The following SYT7 variants were observed in gnomAD, a reference collection of about 807,000 sequenced individuals.
SYT7 encodes the protein synaptotagmin 7, also known as synaptotagmin-7.
In SYT7, 29 loss-of-function variants were observed where a neutral mutation model predicts 75.1. That is an observed-to-expected ratio of 0.39 (90% CI 0.29 to 0.53). SYT7 has a LOEUF of 0.53. Ranked by LOEUF, SYT7 falls within the 20% of genes least tolerant of loss-of-function variation. The pLI is 0.77. For synonymous variants in SYT7, 376 were observed against 401.7 expected, an observed-to-expected ratio of 0.94 and a Z score of 0.76; for missense variants, 693 against 953.2, an observed-to-expected ratio of 0.73 and a Z score of 3.59.
upstream of SYT7, among the ~76,000 whole-genome samples, chr11:61,582,303 G>A (rs186278160): frequency 3.3e-5 from 5 of 152,262 alleles, no homozygotes; most frequent in African/African-American, 9.6e-5. Flanking sequence ...GGTGAGCCAG[G>A]CTTCCTAGAG....
chr11:61,520,182 G>A (rs369196993), intron 12 of SYT7, among the ~76,000 whole-genome samples: 98 of 150,924 alleles, frequency 6.5e-4, no homozygotes, highest in African/African-American at 2.4e-3. Context: ...GAGCCACCAC[G>A]CCCAGCCAAT....
In SYT7 at chr11:61,546,248, G is replaced by C. The variant is rs1236690343; in HGVS notation, c.355C>G (p.Leu119Val). 27 of 1,440,172 alleles carry C rather than the reference G, an allele frequency of 1.9e-5. No homozygotes were observed. The East Asian group carries it at 7.3e-4, about 39-fold the overall frequency. 89.2% of individuals were successfully genotyped at this position (1,440,172 alleles called of 1,614,324 possible). ...GDPRLSLNGT[L>V]LSGAKVAAAA... is the part of the protein sequence containing the mutation. ...GCGGCCACTTTGGCGCCCGACAGGAGGGTGCCACTGGAGGCATGCACGAGG... is the reference window on the plus strand; with the variant it reads ...GCGGCCACTTTGGCGCCCGACAGGACGGTGCCACTGGAGGCATGCACGAGG... The change falls in exon 5 of 13, where the codon CTC becomes GTC. Residue 119 changes from leucine (L) to valine (V), a missense_variant. By Grantham distance (32) the Leu-to-Val change is conservative. Transcript: ENST00000539008. The surrounding 1 kb of genome is among the most constrained non-coding windows in gnomAD (Gnocchi z 7.6).
At chr11:61,568,072 C>T (rs1766590057) in intron 1 of SYT7, among the ~76,000 whole-genome samples, 1 of 152,190 alleles carries the variant, frequency 6.6e-6, no homozygotes, top group Non-Finnish European at 1.5e-5. Flanking sequence ...AAAGGCCTCC[C>T]CCAGGGCAGA....
In SYT7 at chr11:61,551,241, G is replaced by A. The variant is rs923812761; in HGVS notation, c.215+143C>T. 5 of 770,492 alleles carry A rather than the reference G, an allele frequency of 6.5e-6. No homozygotes were observed. In the African/African-American group the frequency reaches 7.0e-5, roughly 11 times the overall value. 47.7% of individuals were successfully genotyped at this position (770,492 alleles called of 1,614,324 possible). On this transcript the variant is annotated intron_variant, in intron 3 of 12. Transcript: ENST00000539008. This position sits in a 1 kb window ranked among gnomAD's most constrained non-coding sequence, Gnocchi z 5.3. The stretch of plus-strand genomic sequence containing the variant: ...GGGGCCCCTGAGTTTTTGGGGGTGT[G>A]TGGAGGGTGTAGAGAGCATGGCATC...
In SYT7 at chr11:61,580,859, C is replaced by T; in HGVS notation, c.-39G>A. 8.4e-7 allele frequency: 1 copy of T among 1,185,716 alleles called. No homozygotes were observed. The allele number at this position is 1,185,716 out of a possible 1,614,324, so 73.4% of individuals were successfully genotyped here. A position where few individuals can be genotyped will look rare whatever the true frequency, so the allele number is the denominator to read the frequency against. On this transcript the variant is annotated 5_prime_UTR_variant, in exon 1 of 13. Transcript: ENST00000539008. The surrounding 1 kb of genome is among the most constrained non-coding windows in gnomAD (Gnocchi z 6.1). Reference sequence around the variant, plus strand: ...CCGGTTCCCTCCGGGCTCCTCAGAGCCGCCCGCGGCCGCGCGCTGCTCCGC... The same window carrying T: ...CCGGTTCCCTCCGGGCTCCTCAGAGTCGCCCGCGGCCGCGCGCTGCTCCGC...
rs1401931605 is a variant in SYT7 at position 61,556,940 on chromosome 11, G to A, written c.32-733C>T. On this transcript the variant is annotated intron_variant, in intron 1 of 12. Transcript: ENST00000539008. ...TAATTCCTAAATGCTCTCATCCCAA[G>A]TGCCGAGGTGCCATAAACTTCAGAA... Among the ~76,000 whole-genome samples, 28 of 149,634 alleles carry A rather than the reference G, an allele frequency of 1.9e-4. No homozygotes were observed. In the Admixed American group the frequency reaches 1.9e-3, roughly 10 times the overall value.
Position 61,542,432 on chromosome 11 carries a change from G to A in SYT7, c.720C>T (p.Pro240=). ...GGCTCTGGCTGGTGGTGGGCTGGCT[G>A]GGCTGCCGGCCCCGCTGGTGCTGGC... ...PLSQHQRGRQ[P]SQPTTSQSLG... Residue 240 remains proline, a synonymous_variant, in exon 6 of 13, where the codon CCC becomes CCT. Coordinates refer to ENST00000539008, the MANE Select transcript of SYT7 (RefSeq NM_001365809.2). This position sits in a 1 kb window ranked among gnomAD's most constrained non-coding sequence, Gnocchi z 7.8. The A allele has an allele frequency of 6.5e-7, 1 of 1,532,748 alleles. No individual in the cohort carries two copies. Among genetic ancestry groups the A allele is most frequent in the East Asian group, 2.4e-5 (1 of 40,860 alleles). The allele number at this position is 1,532,748 out of a possible 1,614,324, so 94.9% of individuals were successfully genotyped here.
chr11:61,538,065 C>A (rs1024482415), intron 7 of SYT7, 79 bp downstream of exon 7: 4 of 1,514,986 alleles, frequency 2.6e-6, no homozygotes, highest in Non-Finnish European at 3.5e-6. Flanking sequence ...GTCCAGCAGC[C>A]GGGGCCGGTC....
At chr11:61,573,426 A>G (rs1375503476) in intron 1 of SYT7, among the ~76,000 whole-genome samples, 1 of 152,180 alleles carries the variant, frequency 6.6e-6, no homozygotes, top group African/African-American at 2.4e-5. Context: ...CTGGCTGGAC[A>G]CTGCAGATCT....
At chr11:61,540,635 G>A in intron 6 of SYT7, 1 of 985,556 alleles carries the variant, frequency 1.0e-6, no homozygotes, top group Non-Finnish European at 1.2e-6. Context: ...AGTTGAGAAG[G>A]CAGCAGGCAG....
intron 12 of SYT7, among the ~76,000 whole-genome samples, chr11:61,521,778 C>A (rs1219850678): frequency 6.6e-6 from 1 of 152,208 alleles, no homozygotes; most frequent in East Asian, 1.9e-4. Flanking sequence ...CCATGACTGC[C>A]CTGAGCACTG....
In SYT7 at chr11:61,546,073, G is replaced by A. The variant is rs571670754; in HGVS notation, c.530C>T (p.Thr177Met). 4,425 of 1,532,524 alleles carry A rather than the reference G, an allele frequency of 2.9e-3. 13 individuals carry two copies. The highest frequency in any genetic ancestry group is 3.2e-3 in the Non-Finnish European group (3,661 of 1,145,374). 94.9% of individuals were successfully genotyped at this position (1,532,524 alleles called of 1,614,324 possible). ...CCCTGCGGCCAGGTGGCTCTGCACC[G>A]TCCGCCAGCGGCCTCTCCCCGCCTT... is the stretch of plus-strand genomic sequence containing the variant. ...GGKAGRGRWR[T>M]VQSHLAAGKL... Residue 177 changes from threonine (T) to methionine (M), a missense_variant, in exon 5 of 13, where the codon ACG becomes ATG. Physicochemically the swap from Thr to Met is moderately conservative, Grantham distance 81. This residue lies in a region of SYT7 where 487 missense variants were observed against 593.2 expected (regional missense o/e 0.82). Coordinates refer to ENST00000539008, the MANE Select transcript of SYT7 (RefSeq NM_001365809.2). This position sits in a 1 kb window ranked among gnomAD's most constrained non-coding sequence, Gnocchi z 7.6.
chr11:61,547,353 A>T, intron 3 of SYT7, 45 bp from the exon 4 acceptor site: 1 of 1,532,432 alleles, frequency 6.5e-7, no homozygotes, highest in South Asian at 1.2e-5. Context: ...AGATACAAGA[A>T]GAAACAAGAA....
intron 1 of SYT7, among the ~76,000 whole-genome samples, chr11:61,572,476 C>G (rs2063949595): frequency 6.6e-6 from 1 of 152,170 alleles, no homozygotes; most frequent in Admixed American, 6.5e-5. Flanking sequence ...TGGTTAAGAC[C>G]CAGGCTTTGG....
intron 1 of SYT7, among the ~76,000 whole-genome samples, chr11:61,577,286 T>C (rs1314110304): frequency 2.0e-5 from 3 of 152,218 alleles, no homozygotes; most frequent in Admixed American, 6.5e-5. Context: ...TCCTGGCCTG[T>C]GGGGAGATCA....
chr11:61,547,309 C>T lies in SYT7; in HGVS notation c.216-1G>A. The T allele has an allele frequency of 6.5e-7, 1 of 1,535,568 alleles. No homozygotes were observed. Among genetic ancestry groups the T allele is most frequent in the Non-Finnish European group, 8.7e-7 (1 of 1,146,586 alleles). On this transcript the variant is annotated splice_acceptor_variant, in intron 3 of 12. Transcript: ENST00000539008. LOFTEE classifies it high-confidence loss of function. ...ATTCCAAAAGTCTCTGTCTAGATCA[C>T]TGGAGGGGCAGAGAGAGAGGGGAGA...
intron 7 of SYT7, 29 bp downstream of exon 7, chr11:61,538,115 C>G (rs887554741): frequency 2.6e-6 from 4 of 1,534,292 alleles, no homozygotes; most frequent in Non-Finnish European, 3.5e-6. Context: ...TCTGCCGCCG[C>G]CGCCGCAGGC....
intron 6 of SYT7, 82 bp from the exon 7 acceptor site, chr11:61,538,348 A>AGG (rs1312536511): frequency 6.6e-5 from 29 of 436,524 alleles, no homozygotes; most frequent in Middle Eastern, 6.2e-4. Flanking sequence ...AGAGAGAGGG[A>AGG]GAGAGAGAGA....
In SYT7 at chr11:61,560,340, C is replaced by T. The variant is rs181626917; in HGVS notation, c.32-4133G>A. Among the ~76,000 whole-genome samples, 13 of 152,280 alleles carry T rather than the reference C, an allele frequency of 8.5e-5. No homozygotes were observed. The East Asian group carries it at 2.5e-3, about 29-fold the overall frequency. ...AGATAAGGCTGTGATCCCTCAAGCCCTCTTCAGCCACAGTAGCACTGTTCC... is the reference window on the plus strand; with the variant it reads ...AGATAAGGCTGTGATCCCTCAAGCCTTCTTCAGCCACAGTAGCACTGTTCC... On this transcript the variant is annotated intron_variant, in intron 1 of 12. Coordinates refer to ENST00000539008, the MANE Select transcript of SYT7 (RefSeq NM_001365809.2).
Sources: allele counts gnomAD v4.1 joint callset (sites outside exome capture counted in the v4.1 genomes callset), GRCh38; gene constraint gnomAD v4.1.1; regional missense constraint gnomAD v4.1.1; non-coding constraint Gnocchi (gnomAD v3.1); transcripts MANE v1.5; gene names NCBI Gene and HGNC (gene_info 2026-07-23, HGNC 2026-07-21).